Variants in EFNA2 observed in about 807,000 individuals in gnomAD.
EFNA2 encodes ephrin A2, also known as ephrin-A2.
Under a neutral mutation model 19.7 loss-of-function variants are expected in EFNA2, and 18 were observed. That is an observed-to-expected ratio of 0.91 (90% CI 0.63 to 1.35). The LOEUF is 1.35. Ranked by LOEUF, EFNA2 falls within the 40% of genes most tolerant of loss-of-function variation. The pLI, the probability that EFNA2 is intolerant of heterozygous loss-of-function variation, is 0.00. For synonymous variants in EFNA2, 187 were observed against 137.8 expected, an observed-to-expected ratio of 1.36 and a Z score of -2.50; for missense variants, 303 against 296.0, an observed-to-expected ratio of 1.02 and a Z score of -0.17.
rs1600059199 is a variant in EFNA2 at position 1,295,049 on chromosome 19, G to C, written c.141-496G>C. ...CACCTGGACACCCACCTCGCTGCTG[G>C]CCCTGCCGTGGGGCTGTTGGGGACA... On this transcript the variant is annotated intron_variant, in intron 1 of 3. Transcript: ENST00000215368. The surrounding 1 kb of genome is among the most constrained non-coding windows in gnomAD (Gnocchi z 5.8). 6.6e-6 allele frequency among the ~76,000 whole-genome samples: 1 copy of C among 152,204 alleles called. No individual in the cohort carries two copies. The highest frequency in any genetic ancestry group is 1.9e-4 in the East Asian group (1 of 5,172).
chr19:1,287,885 C>CG lies in EFNA2; in HGVS notation c.140+1582dup, dbSNP rs1483530090. Among the ~76,000 whole-genome samples the CG allele has an allele frequency of 6.6e-6, 1 of 152,228 alleles. No individual in the cohort carries two copies. The highest frequency in any genetic ancestry group is 1.5e-5 in the Non-Finnish European group (1 of 68,034). On this transcript the variant is annotated intron_variant, in intron 1 of 3. Transcript: ENST00000215368. The surrounding 1 kb of genome is among the most constrained non-coding windows in gnomAD (Gnocchi z 6.2). Reference sequence around the variant, plus strand: ...GCCAAACACACGAGGACCCGGCAACCGGGGGAGGAAGGTGGTCACCAGGGC... The same window carrying CG: ...GCCAAACACACGAGGACCCGGCAACCGGGGGGAGGAAGGTGGTCACCAGGGC...
chr19:1,287,009 G>C lies in EFNA2; in HGVS notation c.140+701G>C, dbSNP rs1306731186. On this transcript the variant is annotated intron_variant, in intron 1 of 3. Coordinates refer to ENST00000215368, the MANE Select transcript of EFNA2 (RefSeq NM_001405.4). This position sits in a 1 kb window ranked among gnomAD's most constrained non-coding sequence, Gnocchi z 6.2. ...GGAGCTGGCTCAAGGTCATGCAAGG[G>C]GGGGACTTGGGGGCAGGACCCAGGT... Among the ~76,000 whole-genome samples, 1 of 152,160 alleles carries C rather than the reference G, an allele frequency of 6.6e-6. No individual in the cohort carries two copies. The highest frequency in any genetic ancestry group is 6.5e-5 in the Admixed American group (1 of 15,284).
upstream of EFNA2, among the ~76,000 whole-genome samples, chr19:1,284,654 C>T (rs1258897855): frequency 1.3e-5 from 2 of 152,170 alleles, no homozygotes; most frequent in Admixed American, 6.5e-5. The surrounding 1 kb of genome is among the most constrained non-coding windows in gnomAD (Gnocchi z 5.3). Flanking sequence ...AGCTGTGGGA[C>T]GGTGGTGGGT....
rs923733095 is a variant in EFNA2, at chr19:1,300,189, G to A, written c.*244G>A. 8 of 397,918 alleles carry A rather than the reference G, an allele frequency of 2.0e-5. No individual in the cohort carries two copies. Among genetic ancestry groups the A allele is most frequent in the Non-Finnish European group, 3.1e-5 (7 of 225,920 alleles). 24.6% of individuals were successfully genotyped at this position (397,918 alleles called of 1,614,324 possible). A position where few individuals can be genotyped will look rare whatever the true frequency, so the allele number is the denominator to read the frequency against. On this transcript the variant is annotated 3_prime_UTR_variant, in exon 4 of 4. Transcript: ENST00000215368. ...AGGGGCCGGGGTGTGGATGCGGACC[G>A]TGGCCAGGCCATCTCCTCTGGGGCG...
intron 1 of EFNA2, among the ~76,000 whole-genome samples, chr19:1,291,968 C>T (rs2081493625): frequency 6.6e-6 from 1 of 152,136 alleles, no homozygotes; most frequent in Non-Finnish European, 1.5e-5. Context: ...CAGAGGGAAC[C>T]CGGAGGAGTA....
In EFNA2 at chr19:1,300,234, C is replaced by A; in HGVS notation, c.*289C>A. 2.5e-5 allele frequency: 4 copies of A among 156,930 alleles called. No individual in the cohort carries two copies. The highest frequency in any genetic ancestry group is 3.2e-5 in the African/African-American group (1 of 31,204). 9.7% of individuals were successfully genotyped at this position (156,930 alleles called of 1,614,324 possible). On this transcript the variant is annotated 3_prime_UTR_variant, in exon 4 of 4. Coordinates refer to ENST00000215368, the MANE Select transcript of EFNA2 (RefSeq NM_001405.4). ...GGGGCGTCGGAGAACCCGGGAACCT[C>A]TTGGCGATTTTTTTTTTTTTTTTTT...
rs2081472706 is a variant in EFNA2 at position 1,287,723 on chromosome 19, G to A, written c.140+1415G>A. ...GGGTCCCCGAGCCGCCCGCTGTGCTGGTCACATGTGGGTTTGATTAAGGCT... is the reference window on the plus strand; with the variant it reads ...GGGTCCCCGAGCCGCCCGCTGTGCTAGTCACATGTGGGTTTGATTAAGGCT... On this transcript the variant is annotated intron_variant, in intron 1 of 3. Coordinates refer to ENST00000215368, the MANE Select transcript of EFNA2 (RefSeq NM_001405.4). The surrounding 1 kb of genome is among the most constrained non-coding windows in gnomAD (Gnocchi z 6.2). 2.0e-5 allele frequency among the ~76,000 whole-genome samples: 3 copies of A among 152,334 alleles called. No homozygotes were observed. The highest frequency in any genetic ancestry group is 4.4e-5 in the Non-Finnish European group (3 of 68,024).
Position 1,291,784 on chromosome 19 carries a change from T to G in EFNA2, c.141-3761T>G, listed in dbSNP as rs539766212. The stretch of plus-strand genomic sequence containing the variant: ...TCTAATAACTTGACAATTGCCCGAT[T>G]GGAGCTAATTAGCTCCAGGCCGCTT... On this transcript the variant is annotated intron_variant, in intron 1 of 3. Coordinates refer to ENST00000215368, the MANE Select transcript of EFNA2 (RefSeq NM_001405.4). Among the ~76,000 whole-genome samples, 60 of 152,320 alleles carry G rather than the reference T, an allele frequency of 3.9e-4. No homozygotes were observed. The South Asian group carries it at 4.3e-3, about 11-fold the overall frequency.
chr19:1,295,920 A>T lies in EFNA2; in HGVS notation c.454+62A>T. 4.6e-6 allele frequency: 3 copies of T among 653,018 alleles called. No individual in the cohort carries two copies. Among genetic ancestry groups the T allele is most frequent in the Non-Finnish European group, 6.6e-6 (3 of 454,426 alleles). The allele number at this position is 653,018 out of a possible 1,614,324, so 40.5% of individuals were successfully genotyped here. ...TGGGCGGGGACGCGGGGGCGGGGCC[A>T]GGAAGTGGGCGGGACCACTGGGGTG... On this transcript the variant is annotated intron_variant, in intron 2 of 3. Coordinates refer to ENST00000215368, the MANE Select transcript of EFNA2 (RefSeq NM_001405.4). The surrounding 1 kb of genome is among the most constrained non-coding windows in gnomAD (Gnocchi z 5.8).
rs915119582 is a variant in EFNA2 at position 1,300,467 on chromosome 19, C to T, written c.*522C>T. Among the ~76,000 whole-genome samples the T allele has an allele frequency of 4.0e-5, 6 of 148,766 alleles. No individual in the cohort carries two copies. The highest frequency in any genetic ancestry group is 1.5e-4 in the African/African-American group (6 of 40,868). On this transcript the variant is annotated 3_prime_UTR_variant, in exon 4 of 4. Coordinates refer to ENST00000215368, the MANE Select transcript of EFNA2 (RefSeq NM_001405.4). ...GGGAACACAGCCGCTCCCCTCTGCT[C>T]TGCACCCCACTCGTGGGGGAACACA... is the stretch of plus-strand genomic sequence containing the variant.
rs1013209114 is a variant in EFNA2, at chr19:1,298,466, C to A, written c.455-85C>A. 46 of 1,442,930 alleles carry A rather than the reference C, an allele frequency of 3.2e-5. No individual in the cohort carries two copies. In the Admixed American group the frequency reaches 8.3e-4, roughly 26 times the overall value. 89.4% of individuals were successfully genotyped at this position (1,442,930 alleles called of 1,614,324 possible). ...TCCACCTGGGGTCAGGGTTGATTCA[C>A]CAAGGTGGGGAAGGGAGTACAGCCC... On this transcript the variant is annotated intron_variant, in intron 2 of 3. Transcript: ENST00000215368.
chr19:1,299,787 G>C, intron 3 of EFNA2, 37 bp from the exon 4 acceptor site: 1 of 1,567,962 alleles, frequency 6.4e-7, no homozygotes, highest in Non-Finnish European at 8.6e-7. Flanking sequence ...AGTGGGGTTC[G>C]GGCGGCCGCT....
Position 1,286,161 on chromosome 19 carries a change from C to G in EFNA2, c.-8C>G, listed in dbSNP as rs1013182754. 3 of 964,882 alleles carry G rather than the reference C, an allele frequency of 3.1e-6. No homozygotes were observed. The highest frequency in any genetic ancestry group is 3.7e-6 in the Non-Finnish European group (3 of 809,984). 59.8% of individuals were successfully genotyped at this position (964,882 alleles called of 1,614,324 possible). On this transcript the variant is annotated 5_prime_UTR_variant, in exon 1 of 4. Transcript: ENST00000215368. The surrounding 1 kb of genome is among the most constrained non-coding windows in gnomAD (Gnocchi z 5.6). ...CGGGAGAGCGAGCGCGGCGGCCGGA[C>G]CGGGGCCATGGCGCCCGCGCAGCGC...
intron 3 of EFNA2, among the ~76,000 whole-genome samples, chr19:1,298,820 C>T (rs1207903912): frequency 6.6e-6 from 1 of 152,248 alleles, no homozygotes; most frequent in East Asian, 1.9e-4. Context: ...TGGCTCACGC[C>T]TATAATCCCA....
chr19:1,298,072 CAAAAAAAAAA>C (rs58897953), intron 2 of EFNA2, among the ~76,000 whole-genome samples: 1 of 49,846 alleles, frequency 2.0e-5, no homozygotes, highest in Non-Finnish European at 3.9e-5. Flanking sequence ...AGCTCCATCA[CAAAAAAAAAA>C]AAAAAAAAAA....
Position 1,296,755 on chromosome 19 carries a change from G to A in EFNA2, c.454+897G>A, listed in dbSNP as rs796365094. ...CCCGCACCCACCCCCGCATCTCCCCGGGACCCATGCCAGGCTCGGAGACTC... is the reference window on the plus strand; with the variant it reads ...CCCGCACCCACCCCCGCATCTCCCCAGGACCCATGCCAGGCTCGGAGACTC... On this transcript the variant is annotated intron_variant, in intron 2 of 3. Coordinates refer to ENST00000215368, the MANE Select transcript of EFNA2 (RefSeq NM_001405.4). This position sits in a 1 kb window ranked among gnomAD's most constrained non-coding sequence, Gnocchi z 4.4. 3.3e-5 allele frequency among the ~76,000 whole-genome samples: 5 copies of A among 152,008 alleles called. No individual in the cohort carries two copies. Among genetic ancestry groups the A allele is most frequent in the African/African-American group, 1.2e-4 (5 of 41,532 alleles).
chr19:1,295,614 C>T lies in EFNA2; in HGVS notation c.210C>T (p.Asp70=). The change falls in exon 2 of 4, where the codon GAC becomes GAT. Residue 70 remains aspartate (D), a synonymous_variant. Coordinates refer to ENST00000215368, the MANE Select transcript of EFNA2 (RefSeq NM_001405.4). The surrounding 1 kb of genome is among the most constrained non-coding windows in gnomAD (Gnocchi z 5.8). ...AGGTGAGCATCAATGACTACCTGGA[C>T]ATCTACTGCCCGCACTATGGGGCGC... The part of the protein sequence containing the change: ...TVEVSINDYL[D]IYCPHYGAPL... 1 of 1,611,524 alleles carries T rather than the reference C, an allele frequency of 6.2e-7. No individual in the cohort carries two copies. The highest frequency in any genetic ancestry group is 8.5e-7 in the Non-Finnish European group (1 of 1,179,418).
chr19:1,294,718 G>A lies in EFNA2; in HGVS notation c.141-827G>A, dbSNP rs1007643324. 3.3e-5 allele frequency among the ~76,000 whole-genome samples: 5 copies of A among 151,796 alleles called. No individual in the cohort carries two copies. Among genetic ancestry groups the A allele is most frequent in the East Asian group, 1.9e-4 (1 of 5,166 alleles). ...GGGGGTGCTGAGAGGAGGGTGGAGG[G>A]ATTCTTCACGCCAAGCTCCGTTCTC... On this transcript the variant is annotated intron_variant, in intron 1 of 3. Coordinates refer to ENST00000215368, the MANE Select transcript of EFNA2 (RefSeq NM_001405.4). The surrounding 1 kb of genome is among the most constrained non-coding windows in gnomAD (Gnocchi z 5.8).
upstream of EFNA2, among the ~76,000 whole-genome samples, chr19:1,285,764 GGGCAGGGGGCGGGCGCA>G (rs2081460359): frequency 6.7e-6 from 1 of 150,260 alleles, no homozygotes; most frequent in Non-Finnish European, 1.5e-5. This position sits in a 1 kb window ranked among gnomAD's most constrained non-coding sequence, Gnocchi z 4.1. Context: ...GGGTGGGCCG[GGGCAGGGGGCGGGCGCA>G]GGCTGGAGAC....
Sources: gnomAD v4.1 joint callset for allele counts (sites outside exome capture counted in the v4.1 genomes callset) on GRCh38, gnomAD v4.1.1 for gene constraint, Gnocchi (gnomAD v3.1) non-coding constraint, MANE v1.5 for transcripts, NCBI Gene and HGNC (gene_info 2026-07-23, HGNC 2026-07-21) for gene names.